The following DRC11 variants were observed in gnomAD, a reference collection of about 807,000 sequenced individuals.
DRC11 encodes IQ and AAA domain-containing protein 1.
At chr2:236,388,670 T>C in the DRC11 span, among the ~76,000 whole-genome samples, 1 of 150,824 alleles carries the variant, frequency 6.6e-6, no homozygotes, top group East Asian at 2.0e-4. Flanking sequence ...CTCGTCAAAG[T>C]CATTCTCCAT....
the DRC11 span, chr2:236,338,320 G>A: frequency 6.2e-7 from 1 of 1,613,954 alleles, no homozygotes; most frequent in Non-Finnish European, 8.5e-7. Flanking sequence ...TCAGAATCCG[G>A]TCATCTGGTT....
chr2:236,503,801 G>T, the DRC11 span: 1 of 1,067,602 alleles, frequency 9.4e-7, no homozygotes, highest in Admixed American at 2.0e-5. The surrounding 1 kb of genome is among the most constrained non-coding windows in gnomAD (Gnocchi z 4.9). Flanking sequence ...GGCCACGCCA[G>T]CCTGGGGAGC....
chr2:236,464,876 G>A, the DRC11 span, among the ~76,000 whole-genome samples: 1 of 152,146 alleles, frequency 6.6e-6, no homozygotes, highest in African/African-American at 2.4e-5. Context: ...CTTGCCATTT[G>A]ACGTGCCTTC....
chr2:236,407,921 C>A, the DRC11 span: 2 of 493,260 alleles, frequency 4.1e-6, no homozygotes, highest in East Asian at 1.1e-4. Flanking sequence ...ACTTTCTTCT[C>A]TTCCATGGTC....
chr2:236,453,327 G>A, the DRC11 span, among the ~76,000 whole-genome samples: 1 of 152,210 alleles, frequency 6.6e-6, no homozygotes, highest in Admixed American at 6.5e-5. The surrounding 1 kb of genome is among the most constrained non-coding windows in gnomAD (Gnocchi z 4.9). Flanking sequence ...GGCAAACTCT[G>A]AAGATCTCCC....
the DRC11 span, chr2:236,324,843 T>C: frequency 8.1e-7 from 1 of 1,234,614 alleles, no homozygotes; most frequent in Non-Finnish European, 1.2e-6. The surrounding 1 kb of genome is among the most constrained non-coding windows in gnomAD (Gnocchi z 5.7). Flanking sequence ...CGCAATACTC[T>C]TAAAAATAAA....
the DRC11 span, among the ~76,000 whole-genome samples, chr2:236,320,291 C>T: frequency 5.9e-5 from 9 of 152,114 alleles, no homozygotes; most frequent in Non-Finnish European, 1.3e-4. Context: ...CGCATCATCG[C>T]GTGCTTCTCT....
the DRC11 span, among the ~76,000 whole-genome samples, chr2:236,486,117 C>T: frequency 4.6e-5 from 7 of 152,332 alleles, no homozygotes; most frequent in South Asian, 1.4e-3. The surrounding 1 kb of genome is among the most constrained non-coding windows in gnomAD (Gnocchi z 5.7). Context: ...TATGGAGAAG[C>T]ACACATGGCA....
chr2:236,491,122 TG>T, the DRC11 span, among the ~76,000 whole-genome samples: 1 of 103,286 alleles, frequency 9.7e-6, no homozygotes, highest in African/African-American at 4.3e-5. Context: ...ATATACAGTG[TG>T]TATATATATA....
At chr2:236,472,505 C>A in the DRC11 span, among the ~76,000 whole-genome samples, 1 of 152,206 alleles carries the variant, frequency 6.6e-6, no homozygotes, top group Non-Finnish European at 1.5e-5. The surrounding 1 kb of genome is among the most constrained non-coding windows in gnomAD (Gnocchi z 4.6). Flanking sequence ...TTTTACACAA[C>A]AATCTATTTA....
chr2:236,377,118 G>A, the DRC11 span: 1 of 1,606,314 alleles, frequency 6.2e-7, no homozygotes. The surrounding 1 kb of genome is among the most constrained non-coding windows in gnomAD (Gnocchi z 4.9). Flanking sequence ...TAATCAGAGA[G>A]GTTGACTTTC....
chr2:236,458,391 AGT>A, the DRC11 span, among the ~76,000 whole-genome samples: 2 of 152,228 alleles, frequency 1.3e-5, no homozygotes, highest in South Asian at 4.1e-4. Flanking sequence ...GGGGGCAGGA[AGT>A]AAAATCCAAG....
chr2:236,499,336 T>G, the DRC11 span, among the ~76,000 whole-genome samples: 1 of 152,216 alleles, frequency 6.6e-6, no homozygotes, highest in African/African-American at 2.4e-5. This position sits in a 1 kb window ranked among gnomAD's most constrained non-coding sequence, Gnocchi z 4.7. Flanking sequence ...AACAGCTGGC[T>G]TTTGATCACC....
the DRC11 span, among the ~76,000 whole-genome samples, chr2:236,430,041 GC>G: frequency 2.0e-5 from 3 of 152,170 alleles, no homozygotes; most frequent in Non-Finnish European, 2.9e-5. The surrounding 1 kb of genome is among the most constrained non-coding windows in gnomAD (Gnocchi z 6.0). Flanking sequence ...GAGTTCCTCA[GC>G]AGGGGTCTGC....
chr2:236,371,409 G>T, the DRC11 span, among the ~76,000 whole-genome samples: 6 of 152,120 alleles, frequency 3.9e-5, no homozygotes, highest in Non-Finnish European at 8.8e-5. The surrounding 1 kb of genome is among the most constrained non-coding windows in gnomAD (Gnocchi z 5.1). Context: ...ACAAGATGAC[G>T]AGGCATGACT....
chr2:236,496,995 T>TA, the DRC11 span, among the ~76,000 whole-genome samples: 1 of 152,086 alleles, frequency 6.6e-6, no homozygotes, highest in Non-Finnish European at 1.5e-5. This position sits in a 1 kb window ranked among gnomAD's most constrained non-coding sequence, Gnocchi z 6.3. Flanking sequence ...GGGAGCCCAA[T>TA]CCTTGTCCGT....
At chr2:236,321,980 G>C in the DRC11 span, among the ~76,000 whole-genome samples, 2 of 152,044 alleles carry the variant, frequency 1.3e-5, no homozygotes, top group South Asian at 2.1e-4. Context: ...AAGCAGACTC[G>C]GGGGTATGCC....
chr2:236,456,102 G>T, the DRC11 span, among the ~76,000 whole-genome samples: 408 of 152,270 alleles, frequency 2.7e-3, 3 homozygotes, highest in African/African-American at 9.7e-3. This position sits in a 1 kb window ranked among gnomAD's most constrained non-coding sequence, Gnocchi z 5.4. Flanking sequence ...GGGGTACTAT[G>T]GATATGGGAA....
the DRC11 span, chr2:236,399,543 C>A: frequency 7.1e-7 from 1 of 1,410,056 alleles, no homozygotes. The surrounding 1 kb of genome is among the most constrained non-coding windows in gnomAD (Gnocchi z 7.0). Flanking sequence ...CAGCAAAAGA[C>A]GCAGACGCTG....
Sources: allele counts gnomAD v4.1 joint callset (sites outside exome capture counted in the v4.1 genomes callset), GRCh38; gene constraint gnomAD v4.1.1; non-coding constraint Gnocchi (gnomAD v3.1); transcripts MANE v1.5; gene names NCBI Gene and HGNC (gene_info 2026-07-23, HGNC 2026-07-21).